The following CNTN5 variants were observed in gnomAD, a reference collection of about 807,000 sequenced individuals.
CNTN5 encodes the protein contactin-5.
In CNTN5, 77 loss-of-function variants were observed where a neutral mutation model predicts 129.1. That is an observed-to-expected ratio of 0.60 (90% CI 0.50 to 0.72). The LOEUF (loss-of-function observed/expected upper bound fraction) is 0.72, where lower values mean the gene tolerates loss of function less well. CNTN5 is among the 30% of genes least tolerant of loss of function. The pLI, the probability that CNTN5 is intolerant of heterozygous loss-of-function variation, is 0.00. For missense variants in CNTN5, 1,478 were observed against 1,328.8 expected, an observed-to-expected ratio of 1.11 and a Z score of -1.75; for synonymous variants, 509 against 465.6, an observed-to-expected ratio of 1.09 and a Z score of -1.20.
chr11:100,029,153 G>C (rs1439995150), intron 9 of CNTN5, among the ~76,000 whole-genome samples: 2 of 145,740 alleles, frequency 1.4e-5, no homozygotes, highest in East Asian at 4.0e-4. Flanking sequence ...TTCAGATATA[G>C]AAAAAAAAAA....
intron 2 of CNTN5, among the ~76,000 whole-genome samples, chr11:99,425,233 C>G (rs1591033511): frequency 6.6e-6 from 1 of 152,228 alleles, no homozygotes; most frequent in African/African-American, 2.4e-5. Context: ...ATTGGCCAAA[C>G]AGTCATCAAT....
intron 15 of CNTN5, among the ~76,000 whole-genome samples, chr11:100,207,523 C>G (rs1321990312): frequency 2.0e-5 from 3 of 151,958 alleles, no homozygotes; most frequent in African/African-American, 7.2e-5. Flanking sequence ...TCTTAAGAAG[C>G]CTCACTAAAA....
chr11:99,620,502 T>A (rs1201455695), intron 3 of CNTN5, among the ~76,000 whole-genome samples: 3 of 101,710 alleles, frequency 2.9e-5, no homozygotes, highest in Non-Finnish European at 7.1e-5. Context: ...ACTCTTTTTT[T>A]CTTTTCTTTT....
At chr11:99,305,478 G>T (rs1410900647) in intron 1 of CNTN5, among the ~76,000 whole-genome samples, 1 of 152,026 alleles carries the variant, frequency 6.6e-6, no homozygotes, top group African/African-American at 2.4e-5. Flanking sequence ...AAATTTCTAG[G>T]TCAGTTTTTT....
intron 1 of CNTN5, among the ~76,000 whole-genome samples, chr11:99,272,111 G>A (rs1393584688): frequency 6.6e-6 from 1 of 151,794 alleles, no homozygotes; most frequent in Non-Finnish European, 1.5e-5. Context: ...TTAATTAGTC[G>A]ATTTGTTCAC....
chr11:99,937,279 C>T (rs910526864), intron 7 of CNTN5, among the ~76,000 whole-genome samples: 1 of 152,188 alleles, frequency 6.6e-6, no homozygotes, highest in African/African-American at 2.4e-5. Context: ...GTTCTGAGAT[C>T]TCTCTGCAAA....
chr11:99,486,974 A>C (rs1370536535), intron 2 of CNTN5, among the ~76,000 whole-genome samples: 1 of 152,212 alleles, frequency 6.6e-6, no homozygotes, highest in African/African-American at 2.4e-5. Context: ...TAGGAACTGC[A>C]TCTGTCTTTT....
At chr11:100,306,677 C>T (rs898032397) in intron 20 of CNTN5, among the ~76,000 whole-genome samples, 1 of 151,574 alleles carries the variant, frequency 6.6e-6, no homozygotes, top group African/African-American at 2.4e-5. Context: ...AATTTTAACT[C>T]CCACTAAATA....
intron 15 of CNTN5, among the ~76,000 whole-genome samples, chr11:100,201,711 CT>C (rs1948782929): frequency 6.6e-6 from 1 of 151,976 alleles, no homozygotes; most frequent in Non-Finnish European, 1.5e-5. Context: ...AATGTGTCAA[CT>C]TTAACTGAAG....
chr11:100,329,458 C>T (rs893314646), intron 21 of CNTN5, among the ~76,000 whole-genome samples: 1 of 152,202 alleles, frequency 6.6e-6, no homozygotes, highest in African/African-American at 2.4e-5. Context: ...TTGCATCCTC[C>T]CTATAGGACT....
chr11:100,142,515 CACTTG>C (rs1445672812), intron 13 of CNTN5, among the ~76,000 whole-genome samples: 13 of 152,246 alleles, frequency 8.5e-5, no homozygotes, highest in South Asian at 4.1e-4. Context: ...GAAAATTTCG[CACTTG>C]ACTTCATGTG....
intron 3 of CNTN5, among the ~76,000 whole-genome samples, chr11:99,811,486 C>T (rs1031623517): frequency 5.4e-5 from 8 of 147,388 alleles, no homozygotes; most frequent in African/African-American, 2.0e-4. Flanking sequence ...AATATTATAA[C>T]TATTATATTT....
chr11:100,151,401 G>T (rs1947048787), intron 13 of CNTN5, among the ~76,000 whole-genome samples: 1 of 151,966 alleles, frequency 6.6e-6, no homozygotes, highest in African/African-American at 2.4e-5. Flanking sequence ...GCGTGAAGGG[G>T]TAGGGGGAGA....
At chr11:100,032,145 T>A (rs17622133) in intron 9 of CNTN5, among the ~76,000 whole-genome samples, 14,018 of 152,188 alleles carry the variant, frequency 0.092, 831 homozygotes, top group East Asian at 0.18. Flanking sequence ...GTGAGAGATA[T>A]AACTTTACTT....
intron 13 of CNTN5, among the ~76,000 whole-genome samples, chr11:100,177,803 A>G (rs1453612636): frequency 6.6e-6 from 1 of 152,048 alleles, no homozygotes; most frequent in Non-Finnish European, 1.5e-5. Context: ...ATATTGTTGT[A>G]AGTCCTGTGG....
At chr11:100,332,993 G>A (rs1951938593) in intron 21 of CNTN5, among the ~76,000 whole-genome samples, 1 of 152,120 alleles carries the variant, frequency 6.6e-6, no homozygotes, top group Non-Finnish European at 1.5e-5. Flanking sequence ...TGGTAAGGAG[G>A]AAGTCAAACT....
chr11:100,063,706 T>TAAAAAAAAAAAAAAAAAAAAAA (rs35896237), intron 10 of CNTN5, among the ~76,000 whole-genome samples: 2 of 115,284 alleles, frequency 1.7e-5, no homozygotes, highest in African/African-American at 6.6e-5. Flanking sequence ...AACCTGTCTC[T>TAAAAAAAAAAAAAAAAAAAAAA]AAAAAAAAAA....
intron 9 of CNTN5, among the ~76,000 whole-genome samples, chr11:100,040,365 G>C (rs1942299620): frequency 6.6e-6 from 1 of 152,216 alleles, no homozygotes; most frequent in Admixed American, 6.5e-5. Context: ...CGTATGAGGT[G>C]TCAGTCCGCC....
intron 1 of CNTN5, among the ~76,000 whole-genome samples, chr11:99,306,571 C>T (rs1347822808): frequency 6.6e-6 from 1 of 151,716 alleles, no homozygotes; most frequent in Non-Finnish European, 1.5e-5. Flanking sequence ...ATTTCTCTAA[C>T]TTTTAGATAT....
Sources: gnomAD v4.1 joint callset for allele counts (sites outside exome capture counted in the v4.1 genomes callset) on GRCh38, gnomAD v4.1.1 for gene constraint, MANE v1.5 for transcripts, NCBI Gene and HGNC (gene_info 2026-07-23, HGNC 2026-07-21) for gene names.